Variants in CENPC observed in about 807,000 individuals in gnomAD.
CENPC encodes CENP-C 1.
Under a neutral mutation model 112.1 loss-of-function variants are expected in CENPC, and 63 were observed. That is an observed-to-expected ratio of 0.56 (90% confidence interval 0.46 to 0.69). The LOEUF is 0.69. CENPC is among the 30% of genes least tolerant of loss of function. The pLI, the probability that CENPC is intolerant of heterozygous loss-of-function variation, is 0.00. For synonymous variants in CENPC, 333 were observed against 367.6 expected, an observed-to-expected ratio of 0.91 and a Z score of 1.08; for missense variants, 1,000 against 1,103.8, an observed-to-expected ratio of 0.91 and a Z score of 1.33.
rs1415128635 is a variant in CENPC, at chr4:67,471,121, T to C, written c.*1484A>G. On this transcript the variant is annotated 3_prime_UTR_variant, in exon 19 of 19. Coordinates refer to ENST00000273853, the MANE Select transcript of CENPC (RefSeq NM_001812.4). ...TGGGTGGAAGGCTTATAGACTCAAG[T>C]GTTTGATCTTAACCTTTGTCCAAAT... 1 of 152,184 alleles carries C rather than the reference T, an allele frequency of 6.6e-6. No homozygotes were observed. The highest frequency in any genetic ancestry group is 1.9e-4 in the East Asian group (1 of 5,198). The allele number at this position is 152,184 out of a possible 1,614,324, so 9.4% of individuals were successfully genotyped here.
At chr4:67,513,946 C>A in intron 8 of CENPC, 128 bp downstream of exon 8, 1 of 790,106 alleles carries the variant, frequency 1.3e-6, no homozygotes, top group Non-Finnish European at 1.9e-6. Flanking sequence ...AGAAAAGAAC[C>A]TATAGGCTTT....
At position 67,505,276 on chromosome 4, in the gene CENPC, GA is replaced by G; in HGVS notation, c.2059del (p.Ser687ProfsTer8). The G allele has an allele frequency of 6.4e-7, 1 of 1,559,326 alleles. No individual in the cohort carries two copies. Among genetic ancestry groups the G allele is most frequent in the South Asian group, 1.2e-5 (1 of 81,934 alleles). On this transcript the variant is annotated frameshift_variant, in exon 12 of 19. Transcript: ENST00000273853. LOFTEE classifies it high-confidence loss of function. ...CATTAAATAATTATTATTGAGCCTG[GA>G]AGGTCCACTTAAGAAAAAAAGGAAA... ...KTSVLEESGP[S>X]RLNNNYLMSG...
intron 4 of CENPC, among the ~76,000 whole-genome samples, chr4:67,539,200 G>A (rs1425876788): frequency 6.6e-6 from 1 of 152,118 alleles, no homozygotes; most frequent in Non-Finnish European, 1.5e-5. Flanking sequence ...TCAAGTTTCA[G>A]AAGGCCTCTC....
At chr4:67,517,639 A>C (rs1479896318) in intron 7 of CENPC, among the ~76,000 whole-genome samples, 1 of 150,056 alleles carries the variant, frequency 6.7e-6, no homozygotes, top group Non-Finnish European at 1.5e-5. Context: ...GGAGTTCGAG[A>C]CCAGCCTGAC....
intron 5 of CENPC, among the ~76,000 whole-genome samples, chr4:67,527,472 C>G (rs2646294): frequency 0.91 from 132,887 of 146,320 alleles, 60,570 homozygotes; most frequent in South Asian, 0.95. Flanking sequence ...GCAGGAACAA[C>G]GCTAGAATTT....
intron 12 of CENPC, among the ~76,000 whole-genome samples, chr4:67,501,672 A>G: frequency 6.6e-6 from 1 of 152,166 alleles, no homozygotes; most frequent in Admixed American, 6.5e-5. Flanking sequence ...GTGTTGTATT[A>G]ATGCTGATTT....
At chr4:67,530,634 G>C (rs1233297085) in intron 5 of CENPC, among the ~76,000 whole-genome samples, 181 bp downstream of exon 5, 2 of 152,110 alleles carry the variant, frequency 1.3e-5, no homozygotes, top group East Asian at 3.8e-4. Context: ...GAGAAGAAGA[G>C]AGAAAAAGAG....
intron 17 of CENPC, among the ~76,000 whole-genome samples, chr4:67,479,107 G>T (rs1472543206): frequency 6.6e-6 from 1 of 151,670 alleles, no homozygotes; most frequent in African/African-American, 2.4e-5. Flanking sequence ...GAGATAGACG[G>T]CAACACACTT....
Position 67,541,239 on chromosome 4 carries a change from A to G in CENPC, c.66-189T>C, listed in dbSNP as rs867474438. 4.6e-5 allele frequency among the ~76,000 whole-genome samples: 7 copies of G among 152,282 alleles called. 1 individual carries two copies. In the South Asian group the frequency reaches 1.2e-3, roughly 27 times the overall value. On this transcript the variant is annotated intron_variant, in intron 2 of 18. Transcript: ENST00000273853. The stretch of plus-strand genomic sequence containing the variant: ...TCAAGTGAACTCTTTCCTTCCTAAT[A>G]AGAATTAGTATATCATAATCTACCT...
At chr4:67,506,402 C>G (rs1198433916) in intron 11 of CENPC, among the ~76,000 whole-genome samples, 4 of 152,176 alleles carry the variant, frequency 2.6e-5, no homozygotes, top group African/African-American at 9.7e-5. Context: ...GTCACACCTT[C>G]TCTTGGAGCA....
intron 18 of CENPC, among the ~76,000 whole-genome samples, chr4:67,473,071 T>G (rs1724710826): frequency 6.6e-6 from 1 of 151,930 alleles, no homozygotes; most frequent in Non-Finnish European, 1.5e-5. Flanking sequence ...CTCAAAATTT[T>G]ATTTATTTAC....
At chr4:67,513,043 G>A (rs1418300657) in intron 8 of CENPC, among the ~76,000 whole-genome samples, 1 of 152,136 alleles carries the variant, frequency 6.6e-6, no homozygotes, top group African/African-American at 2.4e-5. Flanking sequence ...GCTGTGGTCA[G>A]AGAGATGAGA....
intron 17 of CENPC, among the ~76,000 whole-genome samples, 179 bp from the exon 18 acceptor site, chr4:67,475,157 T>C (rs570963492): frequency 3.3e-5 from 5 of 152,338 alleles, no homozygotes; most frequent in East Asian, 1.9e-4. Context: ...GAGATTATCT[T>C]TGATAATGTA....
intron 17 of CENPC, among the ~76,000 whole-genome samples, chr4:67,484,613 C>G (rs770719269): frequency 6.6e-6 from 1 of 152,258 alleles, no homozygotes; most frequent in Non-Finnish European, 1.5e-5. Context: ...CCAACTCCCA[C>G]TGCCACCACC....
At chr4:67,513,709 G>A (rs1273483920) in intron 8 of CENPC, among the ~76,000 whole-genome samples, 1 of 152,114 alleles carries the variant, frequency 6.6e-6, no homozygotes, top group South Asian at 2.1e-4. Flanking sequence ...AATGATGGAA[G>A]AGAATGGACT....
At position 67,519,292 on chromosome 4, in the gene CENPC, C is replaced by G; in HGVS notation, c.542G>C (p.Arg181Thr). The part of the protein sequence containing the change: ...QNVIPSSAQK[R>T]ETYTFENSVN... ...TGAATTTTCAAAAGTGTAAGTCTCTCTCTTTTGGGCACTAGATGGAATAAC... is the reference window on the plus strand; with the variant it reads ...TGAATTTTCAAAAGTGTAAGTCTCTGTCTTTTGGGCACTAGATGGAATAAC... Residue 181 changes from arginine (R) to threonine (T), a missense_variant, in exon 6 of 19, where the codon AGA becomes ACA. Physicochemically the swap from Arg to Thr is moderately conservative, Grantham distance 71. Coordinates refer to ENST00000273853, the MANE Select transcript of CENPC (RefSeq NM_001812.4). 6.2e-7 allele frequency: 1 copy of G among 1,611,612 alleles called. No homozygotes were observed. Among genetic ancestry groups the G allele is most frequent in the Non-Finnish European group, 8.5e-7 (1 of 1,178,574 alleles).
rs1725993693 is a variant in CENPC at position 67,514,446 on chromosome 4, A to G, written c.1072T>C (p.Leu358=). 1 of 1,613,584 alleles carries G rather than the reference A, an allele frequency of 6.2e-7. No homozygotes were observed. The highest frequency in any genetic ancestry group is 1.1e-5 in the South Asian group (1 of 91,064). Residue 358 remains leucine (L), a synonymous_variant, in exon 8 of 19, where the codon TTG becomes CTG. Coordinates refer to ENST00000273853, the MANE Select transcript of CENPC (RefSeq NM_001812.4). ...TTATGGGAATGTTTGTCATTTGCCA[A>G]AGTCTTAGGTAATATATTATGATGC... ...EKHHNILPKT[L]ANDKHSHKPH... is the part of the protein sequence containing the mutation.
chr4:67,502,806 TTC>T (rs1725628138), intron 12 of CENPC, among the ~76,000 whole-genome samples: 1 of 152,064 alleles, frequency 6.6e-6, no homozygotes, highest in African/African-American at 2.4e-5. Context: ...AACCTTCAAG[TTC>T]TCTCTAACGC....
rs1195553424 is a variant in CENPC, at chr4:67,514,395, G to A, written c.1123C>T (p.Pro375Ser). 6 of 1,613,362 alleles carry A rather than the reference G, an allele frequency of 3.7e-6. No homozygotes were observed. Among genetic ancestry groups the A allele is most frequent in the Non-Finnish European group, 5.1e-6 (6 of 1,179,682 alleles). Residue 375 changes from proline to serine, a missense_variant, in exon 8 of 19, where the codon CCC (proline) becomes TCC (serine). Pro to Ser is a moderately conservative substitution (Grantham distance 74). Transcript: ENST00000273853. ...HKPHPVETSQPSDKTVLDTSY... is the reference protein window; with the variant it reads ...HKPHPVETSQSSDKTVLDTSY... ...GTATCCAGTACTGTTTTATCAGAGG[G>A]CTGAGATGTCTCTACTGGGTGAGGT...
Sources: allele counts gnomAD v4.1 joint callset (sites outside exome capture counted in the v4.1 genomes callset), GRCh38; gene constraint gnomAD v4.1.1; transcripts MANE v1.5; gene names NCBI Gene and HGNC (gene_info 2026-07-23, HGNC 2026-07-21).